CCDC91: variants seen among roughly 807,000 people sequenced by gnomAD.
CCDC91 encodes coiled-coil domain containing 91.
Under a neutral mutation model 63.2 loss-of-function variants are expected in CCDC91, and 48 were observed. That is an observed-to-expected ratio of 0.76 (90% CI 0.60 to 0.97). The LOEUF is 0.97. Ranked by LOEUF, CCDC91 falls within the 50% of genes least tolerant of loss-of-function variation. CCDC91 has a pLI of 0.00. For synonymous variants in CCDC91, 167 were observed against 165.8 expected (o/e 1.01, Z -0.06); for missense variants, 500 against 494.6 (o/e 1.01, Z -0.10).
At chr12:28,210,702 G>A (rs1351256363) in intron 1 of CCDC91, among the ~76,000 whole-genome samples, 1 of 152,010 alleles carries the variant, frequency 6.6e-6, no homozygotes, top group Non-Finnish European at 1.5e-5. Context: ...AGGACAAACA[G>A]CTGATATTTT....
intron 8 of CCDC91, among the ~76,000 whole-genome samples, chr12:28,393,206 C>T (rs867554501): frequency 1.3e-5 from 2 of 151,988 alleles, no homozygotes; most frequent in Non-Finnish European, 2.9e-5. Context: ...CATTTCTGAA[C>T]CTGCTTCCTG....
Position 28,452,621 on chromosome 12 carries a change from A to G in CCDC91, c.1068A>G (p.Gln356=), listed in dbSNP as rs1417979937. The G allele has an allele frequency of 1.3e-6, 2 of 1,569,958 alleles. No homozygotes were observed. The highest frequency in any genetic ancestry group is 2.3e-5 in the East Asian group (1 of 44,194). ...KDQEKVSQEI[Q]KAIQEQRKIS... ...AAGAAAAAGTATCTCAGGAAATTCA[A>G]AAAGCTATACAAGAACAAAGAAAAA... is the stretch of plus-strand genomic sequence containing the variant. The change falls in exon 11 of 13, where the codon CAA becomes CAG. Residue 356 remains glutamine (Q), a synonymous_variant. Coordinates refer to ENST00000536442, the MANE Select transcript of CCDC91 (RefSeq NM_018318.5).
At chr12:28,389,231 A>G (rs547505862) in intron 7 of CCDC91, among the ~76,000 whole-genome samples, 2 of 152,276 alleles carry the variant, frequency 1.3e-5, no homozygotes, top group African/African-American at 4.8e-5. Flanking sequence ...CCCATCCTGC[A>G]TATACCTACA....
chr12:28,531,552 TC>T (rs1356531643), intron 12 of CCDC91, among the ~76,000 whole-genome samples: 1 of 152,194 alleles, frequency 6.6e-6, no homozygotes, highest in Non-Finnish European at 1.5e-5. Context: ...AAGAGTACCA[TC>T]ACTCATGTAC....
At chr12:28,418,753 C>A (rs1947830002) in intron 8 of CCDC91, among the ~76,000 whole-genome samples, 1 of 152,012 alleles carries the variant, frequency 6.6e-6, no homozygotes, top group South Asian at 2.1e-4. Context: ...TTTTCTTCTT[C>A]CTTAAATTAA....
intron 6 of CCDC91, among the ~76,000 whole-genome samples, chr12:28,338,872 G>A (rs990319918): frequency 3.3e-5 from 5 of 151,542 alleles, no homozygotes; most frequent in African/African-American, 7.3e-5. Context: ...ACGGACTCTC[G>A]CTCTGTCGCC....
At chr12:28,263,306 T>A (rs1946955606) in intron 3 of CCDC91, among the ~76,000 whole-genome samples, 1 of 152,038 alleles carries the variant, frequency 6.6e-6, no homozygotes, top group South Asian at 2.1e-4. Context: ...TACAGTTCAG[T>A]ATTGTATATG....
At chr12:28,477,095 A>C (rs1951140586) in intron 11 of CCDC91, among the ~76,000 whole-genome samples, 1 of 151,916 alleles carries the variant, frequency 6.6e-6, no homozygotes, top group Non-Finnish European at 1.5e-5. Context: ...TCAATAGAAA[A>C]AGGGAATCCT....
intron 6 of CCDC91, among the ~76,000 whole-genome samples, chr12:28,330,433 C>T (rs1941402955): frequency 6.6e-6 from 1 of 151,374 alleles, no homozygotes; most frequent in South Asian, 2.1e-4. Context: ...AGTGTCTGTT[C>T]ATATCTGTCG....
chr12:28,433,965 G>A (rs1041412677), intron 8 of CCDC91, among the ~76,000 whole-genome samples: 1 of 151,812 alleles, frequency 6.6e-6, no homozygotes, highest in African/African-American at 2.4e-5. Context: ...AGTGTAAATA[G>A]TAATGTGTTT....
intron 6 of CCDC91, among the ~76,000 whole-genome samples, 195 bp downstream of exon 6, chr12:28,307,944 G>A (rs1166674710): frequency 6.6e-6 from 1 of 151,946 alleles, no homozygotes; most frequent in Non-Finnish European, 1.5e-5. Context: ...GCAGCCCTGA[G>A]GATTAGTAGT....
chr12:28,343,623 A>G (rs1942599207), intron 6 of CCDC91, among the ~76,000 whole-genome samples: 1 of 152,164 alleles, frequency 6.6e-6, no homozygotes, highest in South Asian at 2.1e-4. Context: ...TTTATAAAAT[A>G]TGGAGGGGAG....
chr12:28,430,762 C>A (rs775795590), intron 8 of CCDC91, among the ~76,000 whole-genome samples: 8 of 152,064 alleles, frequency 5.3e-5, no homozygotes, highest in Non-Finnish European at 8.8e-5. Flanking sequence ...CTCACTGTTA[C>A]CCAGTGAAGG....
intron 1 of CCDC91, among the ~76,000 whole-genome samples, chr12:28,243,787 C>T (rs1945516051): frequency 6.6e-6 from 1 of 152,128 alleles, no homozygotes; most frequent in Non-Finnish European, 1.5e-5. Context: ...AATCTTCCCA[C>T]AAAGAAAGCA....
intron 1 of CCDC91, among the ~76,000 whole-genome samples, chr12:28,208,957 T>C (rs1444426050): frequency 6.6e-6 from 1 of 151,820 alleles, no homozygotes; most frequent in Non-Finnish European, 1.5e-5. Context: ...CCTGCCACCA[T>C]GCCCGGCTAA....
At chr12:28,507,083 G>A (rs145874404) in intron 12 of CCDC91, among the ~76,000 whole-genome samples, 2 of 151,914 alleles carry the variant, frequency 1.3e-5, no homozygotes, top group Non-Finnish European at 2.9e-5. Context: ...TCTTAGTGAA[G>A]CACAGTCTTG....
intron 6 of CCDC91, among the ~76,000 whole-genome samples, chr12:28,336,182 G>C (rs1046918503): frequency 4.6e-5 from 7 of 151,754 alleles, no homozygotes; most frequent in Non-Finnish European, 1.0e-4. Context: ...TAATTCAGAA[G>C]AACAGGATAC....
intron 3 of CCDC91, among the ~76,000 whole-genome samples, chr12:28,287,671 T>G (rs2136703228): frequency 6.6e-6 from 1 of 152,298 alleles, no homozygotes; most frequent in African/African-American, 2.4e-5. Context: ...TTTTCTTTGC[T>G]TAGGATTGCT....
chr12:28,272,911 C>T (rs1225758099), intron 3 of CCDC91, among the ~76,000 whole-genome samples: 1 of 151,844 alleles, frequency 6.6e-6, no homozygotes, highest in African/African-American at 2.4e-5. Context: ...CATATGTATA[C>T]ATGTGCCATG....
Sources: gnomAD v4.1 joint callset for allele counts (sites outside exome capture counted in the v4.1 genomes callset) on GRCh38, gnomAD v4.1.1 for gene constraint, MANE v1.5 for transcripts, NCBI Gene and HGNC (gene_info 2026-07-23, HGNC 2026-07-21) for gene names.